The following MACF1 variants were observed in gnomAD, a reference collection of about 807,000 sequenced individuals.
The protein encoded by MACF1 is microtubule actin crosslinking factor 1.
Under a neutral mutation model 854.8 loss-of-function variants are expected in MACF1, and 193 were observed. The observed-to-expected ratio is 0.23, with a 90% CI of 0.20 to 0.25. The LOEUF is 0.25. Among genes scored for constraint, MACF1 ranks in the 10% least tolerant of loss-of-function variants. The pLI is 1.00. For missense variants in MACF1, 7,722 were observed against 8,929.1 expected (o/e 0.86, Z 5.45); for synonymous variants, 3,185 against 3,226.7 (o/e 0.99, Z 0.44).
At chr1:39,121,560 T>A (rs1464492233) in intron 2 of MACF1, among the ~76,000 whole-genome samples, 1 of 152,174 alleles carries the variant, frequency 6.6e-6, no homozygotes, top group Admixed American at 6.5e-5. Context: ...GTGATTCTTG[T>A]GCCTCAGCCT....
chr1:39,107,104 G>A (rs1006808123), intron 2 of MACF1, among the ~76,000 whole-genome samples: 15 of 152,116 alleles, frequency 9.9e-5, no homozygotes, highest in African/African-American at 3.6e-4. Flanking sequence ...AGGCTTTTGA[G>A]TAACACTGCT....
chr1:39,131,130 G>T (rs1219139674), intron 2 of MACF1, among the ~76,000 whole-genome samples: 1 of 140,762 alleles, frequency 7.1e-6, no homozygotes, highest in Non-Finnish European at 1.5e-5. Flanking sequence ...GGGATTACAG[G>T]TGTGAGCCAC....
At chr1:39,186,660 T>A (rs1258918136) in intron 2 of MACF1, among the ~76,000 whole-genome samples, 1 of 146,188 alleles carries the variant, frequency 6.8e-6, no homozygotes, top group Admixed American at 6.6e-5. Context: ...CAGGCTGGAG[T>A]GCAGTGGTGT....
intron 5 of MACF1, 44 bp from the exon 6 acceptor site, chr1:39,257,892 A>C (rs1365358180): frequency 7.0e-7 from 1 of 1,435,014 alleles, no homozygotes; most frequent in East Asian, 2.3e-5. Context: ...TAATCAAAAC[A>C]AAAAGTCCTA....
chr1:39,457,070 G>A (rs1006770097), intron 89 of MACF1: 2 of 152,214 alleles, frequency 1.3e-5, no homozygotes, highest in African/African-American at 4.8e-5. Flanking sequence ...TCCTCACTCT[G>A]CTAAGATTTA....
chr1:39,182,436 G>C (rs946563593), intron 2 of MACF1, among the ~76,000 whole-genome samples: 33 of 152,046 alleles, frequency 2.2e-4, no homozygotes, highest in African/African-American at 7.7e-4. Flanking sequence ...CAGAATGGGA[G>C]AAAATATTTG....
intron 49 of MACF1, among the ~76,000 whole-genome samples, chr1:39,367,503 T>C (rs1011626063): frequency 6.6e-6 from 1 of 152,132 alleles, no homozygotes; most frequent in Admixed American, 6.6e-5. Flanking sequence ...CTGGCTGATA[T>C]CTTAAGTATA....
intron 2 of MACF1, among the ~76,000 whole-genome samples, chr1:39,168,992 A>T (rs1341690904): frequency 6.6e-6 from 1 of 152,202 alleles, no homozygotes; most frequent in Non-Finnish European, 1.5e-5. Flanking sequence ...ATTTTTTGAC[A>T]GTTGAACTCA....
intron 15 of MACF1, among the ~76,000 whole-genome samples, chr1:39,290,994 CAG>C (rs1406947363): frequency 1.4e-5 from 2 of 147,028 alleles, no homozygotes; most frequent in East Asian, 4.1e-4. Flanking sequence ...TTTTTTGAGA[CAG>C]AGTCTCACTC....
At chr1:39,227,388 G>A (rs995691411) in intron 1 of MACF1, among the ~76,000 whole-genome samples, 1 of 151,996 alleles carries the variant, frequency 6.6e-6, no homozygotes, top group Non-Finnish European at 1.5e-5. Context: ...GCAAGTTGTG[G>A]GAAATACAAA....
intron 1 of MACF1, among the ~76,000 whole-genome samples, chr1:39,217,898 AAG>A (rs951311975): frequency 2.0e-5 from 3 of 150,768 alleles, no homozygotes; most frequent in African/African-American, 7.3e-5. Context: ...AAAAAAAAAA[AAG>A]AGGTCGGTCA....
chr1:39,200,726 C>G (rs954718493), upstream of MACF1, among the ~76,000 whole-genome samples: 1 of 151,258 alleles, frequency 6.6e-6, no homozygotes, highest in Non-Finnish European at 1.5e-5. Context: ...GAAAAAAATT[C>G]CAGGCCAGGT....
intron 58 of MACF1, among the ~76,000 whole-genome samples, chr1:39,393,181 TAA>T (rs1192045357): frequency 0.023 from 2,047 of 90,074 alleles, 41 homozygotes; most frequent in Middle Eastern, 0.073. Context: ...CTGGGAAGGG[TAA>T]AAAAAAAAAA....
intron 99 of MACF1, among the ~76,000 whole-genome samples, chr1:39,483,483 C>A (rs975952721): frequency 1.3e-5 from 2 of 152,098 alleles, no homozygotes; most frequent in Admixed American, 6.5e-5. Flanking sequence ...AACAACAGTC[C>A]AGGCAAAATG....
intron 44 of MACF1, among the ~76,000 whole-genome samples, chr1:39,356,605 T>G (rs1647594231): frequency 2.0e-5 from 3 of 152,168 alleles, no homozygotes; most frequent in Admixed American, 2.0e-4. Flanking sequence ...TCTCTTGACC[T>G]TGTGATCTGC....
intron 15 of MACF1, among the ~76,000 whole-genome samples, chr1:39,291,551 T>C (rs1571279187): frequency 6.6e-6 from 1 of 152,254 alleles, no homozygotes; most frequent in East Asian, 1.9e-4. Context: ...TTCTTTGTTA[T>C]ATCAGTTATG....
intron 58 of MACF1, among the ~76,000 whole-genome samples, chr1:39,394,445 A>G (rs1031851103): frequency 2.0e-5 from 3 of 152,144 alleles, no homozygotes; most frequent in African/African-American, 7.2e-5. Flanking sequence ...AAGATGGTGA[A>G]ACCCTGTATC....
rs138634100 is a variant in MACF1, at chr1:39,432,607, A to G, written c.17410A>G (p.Ile5804Val). The G allele has an allele frequency of 1.3e-5, 21 of 1,614,088 alleles. No individual in the cohort carries two copies. The highest frequency in any genetic ancestry group is 2.7e-5 in the African/African-American group (2 of 75,052). Residue 5804 changes from isoleucine (I) to valine (V), a missense_variant, in exon 67 of 101, where the codon ATT becomes GTT. By Grantham distance (29) the Ile-to-Val change is conservative. This residue lies in a region of MACF1 where 2,807 missense variants were observed against 3,235.8 expected (regional missense o/e 0.87). Coordinates refer to ENST00000564288, the MANE Select transcript of MACF1 (RefSeq NM_001394062.1). ...TKRKLMALGP[I>V]RLEQDQTTAQ... ...ACGGAAACTGATGGCTCTGGGTCCA[A>G]TTCGCCTGGAACAGGACCAGACCAC...
At chr1:39,109,090 T>C (rs535232989) in intron 2 of MACF1, among the ~76,000 whole-genome samples, 40 of 152,174 alleles carry the variant, frequency 2.6e-4, no homozygotes, top group Non-Finnish European at 4.0e-4. Context: ...ATTTCTTCTG[T>C]TGTGGGCTCC....
Sources: gnomAD v4.1 joint callset for allele counts (sites outside exome capture counted in the v4.1 genomes callset) on GRCh38, gnomAD v4.1.1 for gene constraint, gnomAD v4.1.1 regional missense constraint, MANE v1.5 for transcripts, NCBI Gene and HGNC (gene_info 2026-07-23, HGNC 2026-07-21) for gene names.